COL6A6: variants seen among roughly 807,000 people sequenced by gnomAD.
COL6A6 encodes the protein collagen alpha-6(VI) chain.
Under a neutral mutation model 208.6 loss-of-function variants are expected in COL6A6, and 183 were observed. The ratio of observed to expected loss-of-function variants is 0.88; its 90% CI spans 0.78 to 0.99. The LOEUF is 0.99. Ranked by LOEUF, COL6A6 falls within the 50% of genes least tolerant of loss-of-function variation. COL6A6 has a pLI of 0.00. For missense variants in COL6A6, 2,816 were observed against 2,815.2 expected, an observed-to-expected ratio of 1.00 and a Z score of -0.01; for synonymous variants, 973 against 1,011.8, an observed-to-expected ratio of 0.96 and a Z score of 0.73.
chr3:130,652,146 A>G (rs2065663862), intron 33 of COL6A6, among the ~76,000 whole-genome samples: 1 of 152,202 alleles, frequency 6.6e-6, no homozygotes, highest in African/African-American at 2.4e-5. Context: ...CTGATCTTCT[A>G]GTTTATTGGT....
chr3:130,587,924 A>C (rs1208265845), intron 11 of COL6A6, among the ~76,000 whole-genome samples: 1 of 152,186 alleles, frequency 6.6e-6, no homozygotes, highest in Non-Finnish European at 1.5e-5. Flanking sequence ...TAGAGGAAGG[A>C]AATTCTTCTT....
chr3:130,636,746 C>CT (rs2065122827), intron 28 of COL6A6, among the ~76,000 whole-genome samples: 1 of 100,366 alleles, frequency 1.0e-5, no homozygotes. Flanking sequence ...CCCCTTCCCC[C>CT]TCCCCTTCCT....
At chr3:130,609,766 A>G (rs1160255552) in intron 22 of COL6A6, among the ~76,000 whole-genome samples, 1 of 152,200 alleles carries the variant, frequency 6.6e-6, no homozygotes, top group Non-Finnish European at 1.5e-5. Flanking sequence ...AGTTAAAAAA[A>G]GTAACTATTA....
chr3:130,661,036 C>G (rs1257619368), intron 34 of COL6A6, among the ~76,000 whole-genome samples: 2 of 151,790 alleles, frequency 1.3e-5, no homozygotes, highest in Non-Finnish European at 2.9e-5. Flanking sequence ...ATAAAATGAC[C>G]TCATTTAGGA....
chr3:130,637,202 A>T (rs1315461361), intron 28 of COL6A6, among the ~76,000 whole-genome samples: 1 of 135,296 alleles, frequency 7.4e-6, no homozygotes, highest in East Asian at 2.2e-4. Flanking sequence ...ATGCTCTAAA[A>T]AAAAAAGATG....
Position 130,574,398 on chromosome 3 carries a change from G to A in COL6A6, c.3420G>A (p.Val1140=). ...TCTACTCCGTGGGCATTGGGGATGT[G>A]GATGACCAGCAGCTCATTCAGATCA... ...IDIYSVGIGD[V]DDQQLIQITG... The change falls in exon 8 of 37, where the codon GTG becomes GTA. Residue 1140 remains valine, a synonymous_variant. Transcript: ENST00000358511. 2 of 1,614,010 alleles carry A rather than the reference G, an allele frequency of 1.2e-6. No individual in the cohort carries two copies. The highest frequency in any genetic ancestry group is 1.7e-6 in the Non-Finnish European group (2 of 1,179,898).
intron 36 of COL6A6, among the ~76,000 whole-genome samples, chr3:130,672,650 T>C (rs111417815): frequency 0.23 from 35,123 of 151,324 alleles, 4,326 homozygotes; most frequent in South Asian, 0.36. Flanking sequence ...GTGATCCAAC[T>C]GCCTCAGCCT....
In COL6A6 at chr3:130,570,717, C is replaced by T. The variant is rs1447744813; in HGVS notation, c.2402-101C>T. On this transcript the variant is annotated intron_variant, in intron 6 of 36. Transcript: ENST00000358511. ...CGACATTCTAATGCACAGCATGATC[C>T]CCTTGGAGAGAAAACACTAGCAATT... The T allele has an allele frequency of 7.3e-6, 6 of 826,664 alleles. No individual in the cohort carries two copies. In the Admixed American group the frequency reaches 7.6e-5, roughly 10 times the overall value. The allele number at this position is 826,664 out of a possible 1,614,324, so 51.2% of individuals were successfully genotyped here.
intron 32 of COL6A6, among the ~76,000 whole-genome samples, chr3:130,647,378 GT>G (rs1193315028): frequency 2.0e-5 from 3 of 151,938 alleles, no homozygotes; most frequent in East Asian, 3.9e-4. Flanking sequence ...AAGCATTTTT[GT>G]TGTTGTTTCC....
Position 130,635,781 on chromosome 3 carries a change from A to G in COL6A6, c.5091+20A>G, listed in dbSNP as rs367804360. Reference sequence around the variant, plus strand: ...AAAATGGTAAGCTTCTTAGATTCCAATTGCTGACAACCTCACTACATTGGG... The same window carrying G: ...AAAATGGTAAGCTTCTTAGATTCCAGTTGCTGACAACCTCACTACATTGGG... On this transcript the variant is annotated intron_variant, in intron 28 of 36. Transcript: ENST00000358511. 8.8e-6 allele frequency: 14 copies of G among 1,584,080 alleles called. No individual in the cohort carries two copies. Among genetic ancestry groups the G allele is most frequent in the South Asian group, 1.1e-5 (1 of 89,974 alleles).
chr3:130,560,579 G>A (rs1378472511), intron 2 of COL6A6, among the ~76,000 whole-genome samples, 151 bp downstream of exon 2: 3 of 152,108 alleles, frequency 2.0e-5, no homozygotes, highest in Admixed American at 6.5e-5. Context: ...TTCTTTGTAA[G>A]GTCACTCCAT....
chr3:130,608,942 C>A lies in COL6A6; in HGVS notation c.4730C>A (p.Ser1577Tyr). The change falls in exon 22 of 37, where the codon TCC (serine) becomes TAC (tyrosine). Residue 1577 changes from serine to tyrosine, a missense_variant. Ser to Tyr is a moderately radical substitution (Grantham distance 144, BLOSUM62 -2). Transcript: ENST00000358511. The stretch of plus-strand genomic sequence containing the variant: ...CCAGGACCAGATGGACTTGAAGGCT[C>A]CCTGGGACTTAAGGGCCCTCAGGTA... ...GIPGPDGLEGSLGLKGPQGPR... is the reference protein window; with the variant it reads ...GIPGPDGLEGYLGLKGPQGPR... 6.2e-7 allele frequency: 1 copy of A among 1,612,834 alleles called. No homozygotes were observed. The highest frequency in any genetic ancestry group is 8.5e-7 in the Non-Finnish European group (1 of 1,179,434).
intron 1 of COL6A6, among the ~76,000 whole-genome samples, chr3:130,542,137 T>G (rs2062380245): frequency 6.6e-6 from 1 of 151,842 alleles, no homozygotes; most frequent in South Asian, 2.1e-4. Flanking sequence ...GTTGATTTTT[T>G]TTTTCTATTG....
chr3:130,634,606 C>G lies in COL6A6; in HGVS notation c.5009C>G (p.Pro1670Arg), dbSNP rs1378370209. 1 of 1,607,680 alleles carries G rather than the reference C, an allele frequency of 6.2e-7. No homozygotes were observed. The highest frequency in any genetic ancestry group is 8.5e-7 in the Non-Finnish European group (1 of 1,176,864). Residue 1670 changes from proline (P) to arginine (R), a missense_variant, in exon 27 of 37, where the codon CCT (proline) becomes CGT (arginine). Transcript: ENST00000358511. Reference sequence around the variant, plus strand: ...CCATTACAGGGACAAGAAGGATTCCCTGGAGAAAGTGGACCTAAGGTACCG... The same window carrying G: ...CCATTACAGGGACAAGAAGGATTCCGTGGAGAAAGTGGACCTAAGGTACCG... ...RKGAKGQEGF[P>R]GESGPKGEIG...
At chr3:130,646,731 T>A (rs983139864) in intron 32 of COL6A6, among the ~76,000 whole-genome samples, 1 of 152,054 alleles carries the variant, frequency 6.6e-6, no homozygotes, top group African/African-American at 2.4e-5. Context: ...CATAAAAACA[T>A]GGGGAATAGG....
Position 130,581,183 on chromosome 3 carries a change from A to G in COL6A6, c.3548-378A>G, listed in dbSNP as rs528512557. On this transcript the variant is annotated intron_variant, in intron 8 of 36. Transcript: ENST00000358511. ...TCCCTTATGATTATTGTAATTTAAT[A>G]TTTGTTGAATGACCTCAATTGATAA... 5.9e-5 allele frequency among the ~76,000 whole-genome samples: 9 copies of G among 152,218 alleles called. No individual in the cohort carries two copies. The East Asian group carries it at 1.7e-3, about 29-fold the overall frequency.
intron 26 of COL6A6, among the ~76,000 whole-genome samples, chr3:130,631,330 T>C (rs2065003258): frequency 9.6e-6 from 1 of 104,688 alleles, no homozygotes; most frequent in Admixed American, 1.2e-4. Context: ...ACACATACAC[T>C]CTCCCAAGAC....
intron 20 of COL6A6, among the ~76,000 whole-genome samples, chr3:130,603,944 C>T (rs981463659): frequency 1.3e-5 from 2 of 152,040 alleles, no homozygotes; most frequent in African/African-American, 2.4e-5. Flanking sequence ...CTTCTCAGGT[C>T]GCTTTGGGGA....
Position 130,670,184 on chromosome 3 carries a change from C to G in COL6A6, c.6597-5018C>G, listed in dbSNP as rs373808241. Among the ~76,000 whole-genome samples, 9 of 152,334 alleles carry G rather than the reference C, an allele frequency of 5.9e-5. No individual in the cohort carries two copies. In the East Asian group the frequency reaches 9.7e-4, roughly 16 times the overall value. ...GCCTGTGAATTAAGTCCAAGGAGAG[C>G]AGGGCTCCCCGTGCTGCAGGTGTCT... On this transcript the variant is annotated intron_variant, in intron 36 of 36. Coordinates refer to ENST00000358511, the MANE Select transcript of COL6A6 (RefSeq NM_001102608.3).
Sources: gnomAD v4.1 joint callset for allele counts (sites outside exome capture counted in the v4.1 genomes callset) on GRCh38, gnomAD v4.1.1 for gene constraint, MANE v1.5 for transcripts, NCBI Gene and HGNC (gene_info 2026-07-23, HGNC 2026-07-21) for gene names.